MS4A6E: variants seen among roughly 807,000 people sequenced by gnomAD.
The protein encoded by MS4A6E is membrane spanning 4-domains A6E, also known as membrane-spanning 4-domains subfamily A member 6E.
MS4A6E carries 8 observed loss-of-function variants against 13.2 expected under a neutral mutation model. The ratio of observed to expected loss-of-function variants is 0.60; its 90% CI spans 0.35 to 1.09. The LOEUF is 1.09. MS4A6E is among the 50% of genes least tolerant of loss of function. The pLI is 0.02. For missense variants in MS4A6E, 177 were observed against 171.1 expected (o/e 1.03, Z -0.19); for synonymous variants, 72 against 67.6 (o/e 1.06, Z -0.32).
chr11:60,328,501 A>T (rs1363837092), intron 1 of MS4A6E, among the ~76,000 whole-genome samples: 1 of 151,108 alleles, frequency 6.6e-6, no homozygotes, highest in East Asian at 1.9e-4. Flanking sequence ...GTTTTTATTG[A>T]CAGATGAATG....
In MS4A6E at chr11:60,330,339, T is replaced by C. The variant is rs1490700371; in HGVS notation, c.-15+2931T>C. Among the ~76,000 whole-genome samples, 5 of 118,402 alleles carry C rather than the reference T, an allele frequency of 4.2e-5. No homozygotes were observed. In the East Asian group the frequency reaches 7.3e-4, roughly 17 times the overall value. The allele number at this position is 118,402 out of a possible 152,430, so 77.7% of individuals were successfully genotyped here. A position where few individuals can be genotyped will look rare whatever the true frequency, so the allele number is the denominator to read the frequency against. On this transcript the variant is annotated intron_variant, in intron 1 of 4. Transcript: ENST00000684409. The stretch of plus-strand genomic sequence containing the variant: ...TCCCATTTGTTAATTTTGGCTCTTT[T>C]TTTTTTTTTTTTTTTTTTTTTAGGC...
chr11:60,335,573 A>C (rs1349896239), intron 2 of MS4A6E: 1 of 456,088 alleles, frequency 2.2e-6, no homozygotes, highest in East Asian at 7.0e-5. Context: ...GGAGAGAAAG[A>C]AGGGATCTAT....
At chr11:60,330,964 C>T (rs915262009) in intron 1 of MS4A6E, among the ~76,000 whole-genome samples, 3 of 152,096 alleles carry the variant, frequency 2.0e-5, no homozygotes, top group African/African-American at 7.2e-5. Context: ...CTGTTCTGTT[C>T]CATTGGTCTA....
chr11:60,328,526 TAC>T (rs35996897), intron 1 of MS4A6E, among the ~76,000 whole-genome samples: 20,297 of 145,112 alleles, frequency 0.14, 2,709 homozygotes, highest in African/African-American at 0.36. Flanking sequence ...AACTGTGAGA[TAC>T]ACACACACAC....
chr11:60,330,047 G>C (rs1389469393), intron 1 of MS4A6E, among the ~76,000 whole-genome samples: 2 of 150,322 alleles, frequency 1.3e-5, no homozygotes, highest in African/African-American at 4.9e-5. Flanking sequence ...GGCTGGTTTT[G>C]ATCTCCTGAC....
chr11:60,327,595 T>C (rs1392337869), intron 1 of MS4A6E, among the ~76,000 whole-genome samples, 187 bp downstream of exon 1: 1 of 152,092 alleles, frequency 6.6e-6, no homozygotes, highest in Non-Finnish European at 1.5e-5. Context: ...ACGATTCTGG[T>C]AAGGACTAAG....
intron 1 of MS4A6E, among the ~76,000 whole-genome samples, chr11:60,329,382 C>A (rs2085139982): frequency 6.6e-6 from 1 of 152,114 alleles, no homozygotes; most frequent in South Asian, 2.1e-4. Flanking sequence ...TTTTCTTTAT[C>A]CAGTCTATCA....
chr11:60,333,243 T>TA (rs11402657), intron 1 of MS4A6E, among the ~76,000 whole-genome samples: 54,371 of 152,050 alleles, frequency 0.36, 10,226 homozygotes, highest in East Asian at 0.41. Context: ...AACACATGAA[T>TA]TTTTTTCTTT....
intron 4 of MS4A6E, 98 bp downstream of exon 4, chr11:60,340,062 T>C: frequency 2.6e-6 from 4 of 1,558,120 alleles, no homozygotes; most frequent in Non-Finnish European, 2.6e-6. Flanking sequence ...GAACAATCAG[T>C]CAGTCATGAG....
At position 60,327,346 on chromosome 11, in the gene MS4A6E, C is replaced by T. The variant is rs11230265; in HGVS notation, c.-77C>T. Among the ~76,000 whole-genome samples, 52,997 of 152,128 alleles carry T rather than the reference C, an allele frequency of 0.35. 9,870 individuals carry two copies. The highest frequency in any genetic ancestry group is 0.41 in the East Asian group (2,117 of 5,180). On this transcript the variant is annotated 5_prime_UTR_variant, in exon 1 of 5. In the 5' UTR this introduces an upstream ATG that the reference lacks. Transcript: ENST00000684409. ...AAGATACCATCTTGGAAGCAAGCAACGTGACCCTAAGTAGATGCTGAACCT... is the reference window on the plus strand; with the variant it reads ...AAGATACCATCTTGGAAGCAAGCAATGTGACCCTAAGTAGATGCTGAACCT...
chr11:60,332,155 A>G (rs2085160424), intron 1 of MS4A6E, among the ~76,000 whole-genome samples: 1 of 152,242 alleles, frequency 6.6e-6, no homozygotes, highest in African/African-American at 2.4e-5. Context: ...TGCTTTTAAG[A>G]CAAAGTGAAT....
At chr11:60,348,862 G>A (rs545673086) in intron 4 of MS4A6E, among the ~76,000 whole-genome samples, 2 of 152,190 alleles carry the variant, frequency 1.3e-5, no homozygotes, top group Non-Finnish European at 2.9e-5. Flanking sequence ...TGGGATGCCC[G>A]GGATTTTTAT....
In MS4A6E at chr11:60,337,774, GCT is replaced by G. The variant is rs1565156502; in HGVS notation, c.184_185del (p.Leu62ValfsTer24). ...HSSLAGSILS[A>X]LSALVGFILL... Reference sequence around the variant, plus strand: ...CAGCCTGGCTGGAAGCATTCTGAGTGCTCTGTCTGCCCTGGTGGGTTTCATTC... The same window carrying G: ...CAGCCTGGCTGGAAGCATTCTGAGTGCTGTCTGCCCTGGTGGGTTTCATTC... On this transcript the variant is annotated frameshift_variant, in exon 3 of 5. Transcript: ENST00000684409. LOFTEE classifies it high-confidence loss of function. The G allele has an allele frequency of 1.9e-6, 3 of 1,614,204 alleles. No individual in the cohort carries two copies. The highest frequency in any genetic ancestry group is 2.5e-6 in the Non-Finnish European group (3 of 1,180,046).
downstream of MS4A6E, among the ~76,000 whole-genome samples, chr11:60,342,180 A>T (rs10897053): frequency 0.5 from 40,347 of 80,508 alleles, 7,429 homozygotes; most frequent in Non-Finnish European, 0.53. Flanking sequence ...TGTGTGTGTG[A>T]GAGAGAGAGA....
chr11:60,336,366 G>A (rs2085188725), intron 2 of MS4A6E, among the ~76,000 whole-genome samples: 1 of 152,142 alleles, frequency 6.6e-6, no homozygotes, highest in South Asian at 2.1e-4. Context: ...ACCATACTGA[G>A]TAGCCTAGTA....
At chr11:60,330,117 G>A (rs920080688) in intron 1 of MS4A6E, among the ~76,000 whole-genome samples, 42 of 149,328 alleles carry the variant, frequency 2.8e-4, no homozygotes, top group African/African-American at 8.2e-4. Flanking sequence ...GAGCCACCGC[G>A]CCCGGCCTCC....
chr11:60,328,351 G>A (rs1206966874), intron 1 of MS4A6E, among the ~76,000 whole-genome samples: 2 of 152,100 alleles, frequency 1.3e-5, no homozygotes, highest in East Asian at 3.9e-4. Context: ...TAAAGGTATG[G>A]CCAAGCTACT....
chr11:60,327,269 T>C lies in MS4A6E; in HGVS notation c.-154T>C, dbSNP rs968521281. On this transcript the variant is annotated 5_prime_UTR_variant, in exon 1 of 5. Transcript: ENST00000684409. ...ACATTTGGACTATTTCACCCTTCCA[T>C]TCATTCCACCATGTGAGGACACAGT... is the stretch of plus-strand genomic sequence containing the variant. 7.2e-5 allele frequency among the ~76,000 whole-genome samples: 11 copies of C among 152,192 alleles called. No individual in the cohort carries two copies. The highest frequency in any genetic ancestry group is 2.4e-4 in the African/African-American group (10 of 41,452).
downstream of MS4A6E, among the ~76,000 whole-genome samples, chr11:60,345,678 A>C (rs991679163): frequency 9.2e-5 from 14 of 152,220 alleles, no homozygotes; most frequent in African/African-American, 3.4e-4. Flanking sequence ...CTAACAACAG[A>C]GTCTGTTAAG....
Sources: gnomAD v4.1 joint callset for allele counts (sites outside exome capture counted in the v4.1 genomes callset) on GRCh38, gnomAD v4.1.1 for gene constraint, MANE v1.5 for transcripts, NCBI Gene and HGNC (gene_info 2026-07-23, HGNC 2026-07-21) for gene names.